Variants in SH3RF3 observed in about 807,000 individuals in gnomAD.
SH3RF3 encodes E3 ubiquitin-protein ligase SH3RF3.
Under a neutral mutation model 66.3 loss-of-function variants are expected in SH3RF3, and 29 were observed. The ratio of observed to expected loss-of-function variants is 0.44; its 90% CI spans 0.33 to 0.60. SH3RF3 has a LOEUF of 0.60. Ranked by LOEUF, SH3RF3 falls within the 20% of genes least tolerant of loss-of-function variation. SH3RF3 has a pLI of 0.04. For missense variants in SH3RF3, 1,194 were observed against 1,190.9 expected, an observed-to-expected ratio of 1.00 and a Z score of -0.04; for synonymous variants, 583 against 532.0, an observed-to-expected ratio of 1.10 and a Z score of -1.32.
At chr2:109,206,825 C>A in intron 1 of SH3RF3, among the ~76,000 whole-genome samples, 1 of 152,184 alleles carries the variant, frequency 6.6e-6, no homozygotes. Context: ...AGTTACTTAA[C>A]TCTGGCATTT....
intron 1 of SH3RF3, among the ~76,000 whole-genome samples, chr2:109,209,533 G>A (rs1482568877): frequency 6.6e-6 from 1 of 152,176 alleles, no homozygotes; most frequent in Non-Finnish European, 1.5e-5. Flanking sequence ...GAACTGTGCA[G>A]TGTGTTATCT....
chr2:109,424,592 TATA>T (rs1559076306), intron 5 of SH3RF3, among the ~76,000 whole-genome samples: 2 of 152,026 alleles, frequency 1.3e-5, no homozygotes, highest in African/African-American at 4.8e-5. Flanking sequence ...CGGTAATTCT[TATA>T]ATATTTCAAA....
chr2:109,374,933 C>G (rs1683347988), intron 3 of SH3RF3, among the ~76,000 whole-genome samples: 1 of 152,240 alleles, frequency 6.6e-6, no homozygotes, highest in East Asian at 1.9e-4. Flanking sequence ...CAGTGCTCTC[C>G]CTCCGTGGTT....
chr2:109,377,020 G>T (rs534818948), intron 3 of SH3RF3, among the ~76,000 whole-genome samples: 1 of 152,258 alleles, frequency 6.6e-6, no homozygotes, highest in Non-Finnish European at 1.5e-5. Flanking sequence ...AAGGAACAGA[G>T]AGCCGCTCAG....
intron 1 of SH3RF3, among the ~76,000 whole-genome samples, chr2:109,336,582 G>A (rs1033310106): frequency 3.9e-5 from 6 of 152,194 alleles, no homozygotes; most frequent in African/African-American, 1.4e-4. Context: ...TGCCAGCCCT[G>A]GGCAGTGTTT....
At chr2:109,272,691 A>G (rs1266242003) in intron 1 of SH3RF3, among the ~76,000 whole-genome samples, 1 of 152,240 alleles carries the variant, frequency 6.6e-6, no homozygotes, top group Non-Finnish European at 1.5e-5. Flanking sequence ...TGGAGACAAT[A>G]CAGGCTGGGC....
At chr2:109,368,730 GAAAA>G (rs1411455074) in intron 2 of SH3RF3, among the ~76,000 whole-genome samples, 1 of 146,558 alleles carries the variant, frequency 6.8e-6, no homozygotes, top group Non-Finnish European at 1.5e-5. Flanking sequence ...AAAAGAAAAA[GAAAA>G]AGAAAGAACG....
At chr2:109,196,003 G>C (rs1228492684) in intron 1 of SH3RF3, among the ~76,000 whole-genome samples, 1 of 152,220 alleles carries the variant, frequency 6.6e-6, no homozygotes, top group Non-Finnish European at 1.5e-5. Context: ...CCCATTTGCA[G>C]TAGCAAATCT....
At chr2:109,303,569 C>T (rs1034688068) in intron 1 of SH3RF3, among the ~76,000 whole-genome samples, 2 of 152,140 alleles carry the variant, frequency 1.3e-5, no homozygotes, top group South Asian at 2.1e-4. Flanking sequence ...GAAACCCACC[C>T]GATGATGCCC....
intron 1 of SH3RF3, among the ~76,000 whole-genome samples, chr2:109,340,846 G>A (rs182010689): frequency 1.2e-3 from 188 of 152,196 alleles, no homozygotes; most frequent in African/African-American, 4.1e-3. Flanking sequence ...TGACCTAACC[G>A]CTGCTTTGAT....
intron 8 of SH3RF3, among the ~76,000 whole-genome samples, chr2:109,473,463 G>C (rs1678581502): frequency 6.6e-6 from 1 of 152,182 alleles, no homozygotes; most frequent in African/African-American, 2.4e-5. Flanking sequence ...GGGAGGCTGT[G>C]GGGGATGTAA....
intron 8 of SH3RF3, among the ~76,000 whole-genome samples, chr2:109,452,603 A>G (rs1312573104): frequency 1.3e-5 from 2 of 152,106 alleles, no homozygotes; most frequent in African/African-American, 4.8e-5. Context: ...TTCTCCTAGG[A>G]GCGTGGGAGA....
intron 3 of SH3RF3, among the ~76,000 whole-genome samples, chr2:109,384,893 C>T (rs1355067279): frequency 2.6e-5 from 4 of 152,208 alleles, no homozygotes; most frequent in African/African-American, 9.6e-5. Context: ...AGTTCATTCT[C>T]ACACAGCCAT....
chr2:109,271,406 C>T (rs996988798), intron 1 of SH3RF3, among the ~76,000 whole-genome samples: 6 of 152,196 alleles, frequency 3.9e-5, no homozygotes, highest in African/African-American at 1.2e-4. Context: ...AGAGTAAAAA[C>T]ATTTCACATT....
chr2:109,470,070 G>A (rs147068315), intron 8 of SH3RF3, among the ~76,000 whole-genome samples: 1 of 152,338 alleles, frequency 6.6e-6, no homozygotes, highest in Non-Finnish European at 1.5e-5. Context: ...CGTTCTGGTG[G>A]TGGGCAACCA....
At chr2:109,489,082 C>T (rs544963133) in intron 8 of SH3RF3, among the ~76,000 whole-genome samples, 7 of 152,344 alleles carry the variant, frequency 4.6e-5, no homozygotes, top group East Asian at 1.9e-4. Context: ...GAGCGAAGGC[C>T]GAGACTCAGG....
Position 109,490,883 on chromosome 2 carries a change from T to C in SH3RF3, c.2427T>C (p.Ala809=). 6.5e-7 allele frequency: 1 copy of C among 1,531,170 alleles called. No homozygotes were observed. Among genetic ancestry groups the C allele is most frequent in the Non-Finnish European group, 8.8e-7 (1 of 1,142,676 alleles). 94.8% of individuals were successfully genotyped at this position (1,531,170 alleles called of 1,614,324 possible). Residue 809 remains alanine, a synonymous_variant, in exon 9 of 10, where the codon GCT becomes GCC. Coordinates refer to ENST00000309415, the MANE Select transcript of SH3RF3 (RefSeq NM_001099289.3). The part of the protein sequence containing the change: ...DLNFTSPSRQ[A]PLSMAAIRPE... ...ACTTCACATCTCCTTCCCGGCAAGCTCCGCTGTCCATGGCTGCCATCCGCC... is the reference window on the plus strand; with the variant it reads ...ACTTCACATCTCCTTCCCGGCAAGCCCCGCTGTCCATGGCTGCCATCCGCC...
intron 6 of SH3RF3, among the ~76,000 whole-genome samples, chr2:109,433,955 GCTT>G (rs1224906156): frequency 6.6e-6 from 1 of 152,258 alleles, no homozygotes; most frequent in Admixed American, 6.5e-5. Context: ...GCCTCCTGCG[GCTT>G]CTTCAGTGGT....
At chr2:109,483,937 C>T (rs1427101598) in intron 8 of SH3RF3, among the ~76,000 whole-genome samples, 3 of 152,186 alleles carry the variant, frequency 2.0e-5, no homozygotes, top group Non-Finnish European at 2.9e-5. Flanking sequence ...CTTCAAGCCC[C>T]CCACAACCCC....
Sources: allele counts gnomAD v4.1 joint callset (sites outside exome capture counted in the v4.1 genomes callset), GRCh38; gene constraint gnomAD v4.1.1; transcripts MANE v1.5; gene names NCBI Gene and HGNC (gene_info 2026-07-23, HGNC 2026-07-21).